MLLT3: variants seen among roughly 807,000 people sequenced by gnomAD.
MLLT3 encodes protein AF-9.
In MLLT3, 4 loss-of-function variants were observed where a neutral mutation model predicts 53.2. That is an observed-to-expected ratio of 0.08 (90% CI 0.04 to 0.17). The LOEUF (loss-of-function observed/expected upper bound fraction) is 0.17. MLLT3 is among the 10% of genes least tolerant of loss of function. The probability of loss-of-function intolerance (pLI) is 1.00; values close to 1 mark genes in which losing one functional copy is unlikely to be tolerated. For missense variants in MLLT3, 569 were observed against 684.0 expected (o/e 0.83, Z 1.87); for synonymous variants, 283 against 230.6 (o/e 1.23, Z -2.06).
At chr9:20,489,333 G>T (rs540764610) in intron 2 of MLLT3, among the ~76,000 whole-genome samples, 15 of 152,124 alleles carry the variant, frequency 9.9e-5, no homozygotes, top group Non-Finnish European at 2.1e-4. Context: ...TCATTAGAAG[G>T]TCTAACACCT....
chr9:20,588,023 G>A (rs1431462052), intron 2 of MLLT3, among the ~76,000 whole-genome samples: 1 of 149,702 alleles, frequency 6.7e-6, no homozygotes, highest in Non-Finnish European at 1.5e-5. Context: ...TTTGTATAAG[G>A]TGTAAGGAAG....
chr9:20,547,614 A>G (rs1818820859), intron 2 of MLLT3, among the ~76,000 whole-genome samples: 1 of 145,114 alleles, frequency 6.9e-6, no homozygotes, highest in Admixed American at 7.1e-5. Context: ...ATTGCACTCC[A>G]GCCTGGACAA....
At chr9:20,508,645 T>C (rs1366318681) in intron 2 of MLLT3, among the ~76,000 whole-genome samples, 4 of 152,166 alleles carry the variant, frequency 2.6e-5, no homozygotes, top group Non-Finnish European at 5.9e-5. Context: ...TCAAGTAGAC[T>C]AGCCTCGTAA....
At chr9:20,374,713 A>T (rs1316990990) in intron 5 of MLLT3, among the ~76,000 whole-genome samples, 2 of 152,218 alleles carry the variant, frequency 1.3e-5, no homozygotes, top group Non-Finnish European at 2.9e-5. Flanking sequence ...TAAAAATGAG[A>T]TTGAACAAAC....
intron 2 of MLLT3, among the ~76,000 whole-genome samples, chr9:20,484,539 T>C (rs368733125): frequency 3.1e-4 from 47 of 152,332 alleles, no homozygotes; most frequent in African/African-American, 1.0e-3. Context: ...ATGCACCTAC[T>C]ACCCAACTAT....
At chr9:20,485,249 A>G (rs10964571) in intron 2 of MLLT3, among the ~76,000 whole-genome samples, 58,272 of 152,044 alleles carry the variant, frequency 0.38, 12,178 homozygotes, top group Non-Finnish European at 0.48. Context: ...TTGGCCTCCC[A>G]AAGTACTGGG....
chr9:20,415,502 A>C (rs1414016765), intron 4 of MLLT3: 1 of 850,324 alleles, frequency 1.2e-6, no homozygotes, highest in African/African-American at 1.8e-5. Context: ...ACATGCAAAA[A>C]TCCACATCAA....
chr9:20,533,821 TC>T lies in MLLT3; in HGVS notation c.194-77036del, dbSNP rs1818406433. Among the ~76,000 whole-genome samples, 3 of 152,326 alleles carry T rather than the reference TC, an allele frequency of 2.0e-5. No individual in the cohort carries two copies. In the South Asian group the frequency reaches 6.2e-4, roughly 32 times the overall value. On this transcript the variant is annotated intron_variant, in intron 2 of 10. Coordinates refer to ENST00000380338, the MANE Select transcript of MLLT3 (RefSeq NM_004529.4). Reference sequence around the variant, plus strand: ...ACACAGAAACACAAACACTGCATGATCCACAGGTAGAACCTAAAAACGCTGA... The same window carrying T: ...ACACAGAAACACAAACACTGCATGATCACAGGTAGAACCTAAAAACGCTGA...
At chr9:20,387,227 G>A (rs1426320811) in intron 5 of MLLT3, among the ~76,000 whole-genome samples, 2 of 152,210 alleles carry the variant, frequency 1.3e-5, no homozygotes, top group Non-Finnish European at 2.9e-5. Flanking sequence ...GTCGCAGACA[G>A]TATGTAAACA....
At chr9:20,499,423 C>T (rs1323301450) in intron 2 of MLLT3, among the ~76,000 whole-genome samples, 1 of 152,128 alleles carries the variant, frequency 6.6e-6, no homozygotes, top group African/African-American at 2.4e-5. Flanking sequence ...AGAGGGTACA[C>T]AGGATATTTC....
At chr9:20,568,546 C>T (rs1476586052) in intron 2 of MLLT3, among the ~76,000 whole-genome samples, 1 of 152,072 alleles carries the variant, frequency 6.6e-6, no homozygotes, top group African/African-American at 2.4e-5. Context: ...ACAAGCAAAC[C>T]AAGCTGTAGC....
At chr9:20,477,155 T>C (rs1824541448) in intron 2 of MLLT3, among the ~76,000 whole-genome samples, 1 of 152,060 alleles carries the variant, frequency 6.6e-6, no homozygotes, top group Admixed American at 6.6e-5. Flanking sequence ...TTAGACCCTA[T>C]TTGTTTTGGA....
rs1822904027 is a variant in MLLT3 at position 20,417,649 on chromosome 9, T to C, written c.421-3224A>G. On this transcript the variant is annotated intron_variant, in intron 4 of 10. Transcript: ENST00000380338. ...TTTAAGGCAAATGATTGTTTAAACA[T>C]AAATATACATATATTTGCACTAACT... 2.0e-5 allele frequency among the ~76,000 whole-genome samples: 3 copies of C among 152,144 alleles called. No individual in the cohort carries two copies. The South Asian group carries it at 6.2e-4, about 31-fold the overall frequency.
intron 6 of MLLT3, 25 bp downstream of exon 6, chr9:20,365,644 C>T: frequency 6.2e-7 from 1 of 1,613,916 alleles, no homozygotes; most frequent in Non-Finnish European, 8.5e-7. Flanking sequence ...AAAAGCATCT[C>T]CTAGTTTGCA....
chr9:20,381,364 T>C (rs1283194249), intron 5 of MLLT3, among the ~76,000 whole-genome samples: 1 of 151,954 alleles, frequency 6.6e-6, no homozygotes, highest in Non-Finnish European at 1.5e-5. Flanking sequence ...TGCTGAAGAA[T>C]GTGCACGCTT....
At chr9:20,503,025 T>G (rs995675209) in intron 2 of MLLT3, among the ~76,000 whole-genome samples, 1 of 151,778 alleles carries the variant, frequency 6.6e-6, no homozygotes, top group African/African-American at 2.4e-5. Context: ...CACCAGAAAC[T>G]ATAAAAGATT....
chr9:20,431,441 G>T (rs566046153), intron 4 of MLLT3, among the ~76,000 whole-genome samples: 1 of 152,180 alleles, frequency 6.6e-6, no homozygotes, highest in South Asian at 2.1e-4. Context: ...GGTAAGGCTG[G>T]AAAGCAATAT....
At chr9:20,565,954 T>TTATATATATATATTTA (rs1424332520) in intron 2 of MLLT3, among the ~76,000 whole-genome samples, 31 of 34,626 alleles carry the variant, frequency 9.0e-4, no homozygotes, top group South Asian at 3.0e-3. Context: ...ATATATATAT[T>TTATATATATATATTTA]TATATATATA....
At chr9:20,384,463 C>T (rs1433155131) in intron 5 of MLLT3, among the ~76,000 whole-genome samples, 1 of 151,976 alleles carries the variant, frequency 6.6e-6, no homozygotes, top group Non-Finnish European at 1.5e-5. Context: ...TTTTGTTATA[C>T]ATAGAAGTAA....
Sources: allele counts gnomAD v4.1 joint callset (sites outside exome capture counted in the v4.1 genomes callset), GRCh38; gene constraint gnomAD v4.1.1; transcripts MANE v1.5; gene names NCBI Gene and HGNC (gene_info 2026-07-23, HGNC 2026-07-21).